Variants in EML1 observed in about 807,000 individuals in gnomAD.
The protein encoded by EML1 is EMAP like 1, also known as echinoderm microtubule-associated protein-like 1.
In EML1, 27 loss-of-function variants were observed where a neutral mutation model predicts 110.4. The ratio of observed to expected loss-of-function variants is 0.24; its 90% confidence interval spans 0.18 to 0.34. The LOEUF (loss-of-function observed/expected upper bound fraction) is 0.34. Among genes scored for constraint, EML1 ranks in the 10% least tolerant of loss-of-function variants. EML1 has a pLI of 1.00. For missense variants in EML1, 741 were observed against 1,030.9 expected (o/e 0.72, Z 3.85); for synonymous variants, 344 against 385.8 (o/e 0.89, Z 1.27).
rs1297800886 is a variant in EML1, at chr14:99,838,313, G to A, written c.68-12540G>A. Among the ~76,000 whole-genome samples the A allele has an allele frequency of 2.6e-5, 4 of 152,002 alleles. No individual in the cohort carries two copies. The East Asian group carries it at 7.7e-4, about 29-fold the overall frequency. ...TAATAGCTTTTATTTTATTCTTTTT[G>A]CTGAAAGACTTTGAAACCATGGTGT... On this transcript the variant is annotated intron_variant, in intron 1 of 21. Coordinates refer to ENST00000262233, the MANE Select transcript of EML1 (RefSeq NM_004434.3).
In EML1 at chr14:99,940,107, A is replaced by G. The variant is rs1477542209; in HGVS notation, c.2443A>G (p.Ile815Val). 8.2e-6 allele frequency: 13 copies of G among 1,581,282 alleles called. No homozygotes were observed. The highest frequency in any genetic ancestry group is 1.4e-5 in the African/African-American group (1 of 73,044). ...CACAAGCATCATGCAGTGGCGCGTC[A>G]TTTAGTACCCACCGAGAGCTGTGGG... The part of the protein sequence containing the change: ...KDTSIMQWRV[I>V] The change falls in exon 22 of 22, where the codon ATT becomes GTT. Residue 815 changes from isoleucine to valine, a missense_variant. Ile to Val is a conservative substitution (Grantham distance 29). Transcript: ENST00000262233.
chr14:99,934,828 A>G (rs754141305), intron 17 of EML1, among the ~76,000 whole-genome samples: 8 of 152,258 alleles, frequency 5.3e-5, no homozygotes, highest in Non-Finnish European at 1.0e-4. Context: ...CCCTCCCTGC[A>G]TAGCGTGCAC....
chr14:99,882,823 G>T lies in EML1; in HGVS notation c.518+4204G>T, dbSNP rs535655781. Among the ~76,000 whole-genome samples the T allele has an allele frequency of 2.4e-3, 341 of 143,368 alleles. 1 individual carries two copies. Among genetic ancestry groups the T allele is most frequent in the African/African-American group, 8.0e-3 (316 of 39,670 alleles). 94.1% of individuals were successfully genotyped at this position (143,368 alleles called of 152,430 possible). ...GCCCATCTTTGGAGTCAACAAACATGAAAAAAAAAAAACCCACCTCAAAAT... is the reference window on the plus strand; with the variant it reads ...GCCCATCTTTGGAGTCAACAAACATTAAAAAAAAAAAACCCACCTCAAAAT... On this transcript the variant is annotated intron_variant, in intron 4 of 21. Coordinates refer to ENST00000262233, the MANE Select transcript of EML1 (RefSeq NM_004434.3).
chr14:99,915,327 G>A, intron 15 of EML1: 1 of 150,050 alleles, frequency 6.7e-6, no homozygotes, highest in Non-Finnish European at 1.5e-5. Context: ...CAGGAGAATT[G>A]CTTGAACCCG....
At chr14:99,783,943 G>A (rs1395584113) in intron 1 of EML1, among the ~76,000 whole-genome samples, 1 of 152,250 alleles carries the variant, frequency 6.6e-6, no homozygotes, top group East Asian at 1.9e-4. Context: ...ACGCGATGGA[G>A]TGAATGAACA....
chr14:99,925,013 CAG>C (rs2060208305), intron 17 of EML1, among the ~76,000 whole-genome samples: 1 of 152,096 alleles, frequency 6.6e-6, no homozygotes, highest in Non-Finnish European at 1.5e-5. Context: ...ATGTTTCTAA[CAG>C]ATATTGGTGT....
chr14:99,869,009 A>G (rs1402158372), intron 3 of EML1, among the ~76,000 whole-genome samples: 1 of 152,108 alleles, frequency 6.6e-6, no homozygotes, highest in African/African-American at 2.4e-5. Context: ...GTGTTTTCAT[A>G]TGTCTCCGGA....
intron 17 of EML1, among the ~76,000 whole-genome samples, chr14:99,931,633 TAG>T (rs2060370436): frequency 6.6e-6 from 1 of 152,044 alleles, no homozygotes; most frequent in African/African-American, 2.4e-5. Context: ...GAATGAGGCT[TAG>T]AGAGTTTTTG....
intron 2 of EML1, among the ~76,000 whole-genome samples, chr14:99,862,483 A>G (rs1235501485): frequency 6.6e-6 from 1 of 152,178 alleles, no homozygotes; most frequent in Admixed American, 6.5e-5. Flanking sequence ...TATTCAGAAT[A>G]CAGCTGTATG....
At chr14:99,803,013 T>C (rs1382916777) in intron 1 of EML1, among the ~76,000 whole-genome samples, 1 of 152,104 alleles carries the variant, frequency 6.6e-6, no homozygotes, top group Non-Finnish European at 1.5e-5. Context: ...TGGTATTTAG[T>C]ATAAACCTCT....
At chr14:99,791,345 C>T (rs900310674), upstream of EML1, among the ~76,000 whole-genome samples, 7 of 152,222 alleles carry the variant, frequency 4.6e-5, no homozygotes, top group Non-Finnish European at 1.0e-4. Context: ...CCACTGGAAG[C>T]TTTCTGTGCT....
At chr14:99,912,204 A>G (rs930627024) in intron 13 of EML1, among the ~76,000 whole-genome samples, 1 of 152,082 alleles carries the variant, frequency 6.6e-6, no homozygotes, top group African/African-American at 2.4e-5. Flanking sequence ...AATTTCTAGC[A>G]TGTTATTTTG....
At chr14:99,859,212 A>G (rs934114226) in intron 2 of EML1, among the ~76,000 whole-genome samples, 6 of 152,196 alleles carry the variant, frequency 3.9e-5, no homozygotes, top group African/African-American at 1.4e-4. Context: ...GATTTTTAAT[A>G]CCTTAGTTAG....
At position 99,911,388 on chromosome 14, in the gene EML1, A is replaced by G. The variant is rs796542324; in HGVS notation, c.1340-34A>G. ...AAATGGGCAGAGGCAACCTTTTGACAATGTGCTAATGATGGTTTTCTTGGT... is the reference window on the plus strand; with the variant it reads ...AAATGGGCAGAGGCAACCTTTTGACGATGTGCTAATGATGGTTTTCTTGGT... On this transcript the variant is annotated intron_variant, in intron 12 of 21. Coordinates refer to ENST00000262233, the MANE Select transcript of EML1 (RefSeq NM_004434.3). 4 of 1,549,184 alleles carry G rather than the reference A, an allele frequency of 2.6e-6. No individual in the cohort carries two copies. In the African/African-American group the frequency reaches 4.2e-5, roughly 16 times the overall value.
intron 3 of EML1, chr14:99,875,023 T>G: frequency 6.2e-7 from 1 of 1,600,836 alleles, no homozygotes; most frequent in South Asian, 1.1e-5. Context: ...TCACCATAGC[T>G]GTTCCTTCCA....
intron 1 of EML1, among the ~76,000 whole-genome samples, chr14:99,788,173 C>A (rs576417462): frequency 3.9e-5 from 6 of 152,272 alleles, no homozygotes; most frequent in South Asian, 2.1e-4. Flanking sequence ...CCAGTCCAGA[C>A]CCTCAGAAAT....
chr14:99,836,321 C>G (rs886817281), intron 1 of EML1, among the ~76,000 whole-genome samples: 1 of 152,078 alleles, frequency 6.6e-6, no homozygotes, highest in Non-Finnish European at 1.5e-5. Context: ...ATTTCAAATT[C>G]CAATTGTTCA....
intron 15 of EML1, among the ~76,000 whole-genome samples, chr14:99,915,892 G>A (rs1257483796): frequency 6.6e-6 from 1 of 152,206 alleles, no homozygotes; most frequent in African/African-American, 2.4e-5. Context: ...CCAGGTGCTA[G>A]GTTCAAGTTT....
In EML1 at chr14:99,824,695, C is replaced by T. The variant is rs374012028; in HGVS notation, c.68-26158C>T. Among the ~76,000 whole-genome samples, 28 of 152,118 alleles carry T rather than the reference C, an allele frequency of 1.8e-4. No individual in the cohort carries two copies. The South Asian group carries it at 2.7e-3, about 15-fold the overall frequency. Reference sequence around the variant, plus strand: ...AGGTTTGGGCTTCTGGTGAACCTATCGCTGGAATGGTGAACACTGTACCCT... The same window carrying T: ...AGGTTTGGGCTTCTGGTGAACCTATTGCTGGAATGGTGAACACTGTACCCT... On this transcript the variant is annotated intron_variant, in intron 1 of 21. Coordinates refer to ENST00000262233, the MANE Select transcript of EML1 (RefSeq NM_004434.3).
Sources: allele counts gnomAD v4.1 joint callset (sites outside exome capture counted in the v4.1 genomes callset), GRCh38; gene constraint gnomAD v4.1.1; transcripts MANE v1.5; gene names NCBI Gene and HGNC (gene_info 2026-07-23, HGNC 2026-07-21).